ARHGEF12: variants seen among roughly 807,000 people sequenced by gnomAD.
ARHGEF12 encodes the protein Rho guanine nucleotide exchange factor 12, also known as KMT2A/ARHGEF12 fusion protein.
A neutral mutation model predicts 211.2 loss-of-function variants in ARHGEF12; 66 were observed. The ratio of observed to expected loss-of-function variants is 0.31; its 90% CI spans 0.26 to 0.38. The LOEUF (loss-of-function observed/expected upper bound fraction) is 0.38, where lower values mean the gene tolerates loss of function less well. Ranked by LOEUF, ARHGEF12 falls within the 10% of genes least tolerant of loss-of-function variation. ARHGEF12 has a pLI of 1.00. For missense variants in ARHGEF12, 1,429 were observed against 1,869.5 expected (o/e 0.76, Z 4.34); for synonymous variants, 592 against 638.4 (o/e 0.93, Z 1.09).
At chr11:120,481,597 C>G (rs202194026) in intron 39 of ARHGEF12, 21 bp downstream of exon 39, 41 of 1,606,566 alleles carry the variant, frequency 2.6e-5, no homozygotes, top group Non-Finnish European at 3.4e-5. Flanking sequence ...CTTCCACATC[C>G]ATAGGACTTG....
intron 1 of ARHGEF12, among the ~76,000 whole-genome samples, chr11:120,405,733 A>T (rs1944683298): frequency 6.6e-6 from 1 of 152,204 alleles, no homozygotes; most frequent in African/African-American, 2.4e-5. Flanking sequence ...ATTTTTAAAA[A>T]TCTATAAAAT....
At chr11:120,412,888 T>TTGA (rs1303040799) in intron 4 of ARHGEF12, among the ~76,000 whole-genome samples, 1 of 152,238 alleles carries the variant, frequency 6.6e-6, no homozygotes, top group Admixed American at 6.5e-5. Flanking sequence ...CCAGGTCCCC[T>TTGA]TGATTCTACC....
At chr11:120,454,818 G>A (rs998669488) in intron 22 of ARHGEF12, among the ~76,000 whole-genome samples, 2 of 152,056 alleles carry the variant, frequency 1.3e-5, no homozygotes, top group East Asian at 3.8e-4. Flanking sequence ...GGCTTTTCCC[G>A]AGTATCCCAA....
intron 1 of ARHGEF12, among the ~76,000 whole-genome samples, chr11:120,366,300 G>A (rs1028369856): frequency 1.3e-5 from 2 of 152,112 alleles, no homozygotes; most frequent in Middle Eastern, 3.2e-3. Flanking sequence ...AAATTTAGAT[G>A]TACTATCTGC....
chr11:120,456,721 T>C (rs1338412118), intron 22 of ARHGEF12, among the ~76,000 whole-genome samples: 1 of 152,214 alleles, frequency 6.6e-6, no homozygotes, highest in East Asian at 1.9e-4. Flanking sequence ...TGACCAGGCA[T>C]GGTGGCTCAC....
chr11:120,402,089 G>GT (rs1944560973), intron 1 of ARHGEF12, among the ~76,000 whole-genome samples: 1 of 152,098 alleles, frequency 6.6e-6, no homozygotes, highest in Non-Finnish European at 1.5e-5. Flanking sequence ...GCTTAAAGAG[G>GT]TTAAGCAACT....
intron 22 of ARHGEF12, among the ~76,000 whole-genome samples, chr11:120,453,115 A>G (rs548402794): frequency 6.6e-6 from 1 of 152,280 alleles, no homozygotes; most frequent in South Asian, 2.1e-4. Flanking sequence ...ATAAGACAGA[A>G]ATATTAGTTT....
intron 1 of ARHGEF12, among the ~76,000 whole-genome samples, chr11:120,385,759 A>G (rs987879873): frequency 6.6e-6 from 1 of 152,216 alleles, no homozygotes; most frequent in South Asian, 2.1e-4. Context: ...TACATCCAGC[A>G]TTGCAAGGAT....
intron 1 of ARHGEF12, among the ~76,000 whole-genome samples, chr11:120,375,950 G>T (rs977206773): frequency 6.6e-6 from 1 of 151,978 alleles, no homozygotes; most frequent in African/African-American, 2.4e-5. Flanking sequence ...TTTTTCTTAC[G>T]ATTTGACTGG....
Position 120,485,133 on chromosome 11 carries a change from C to A in ARHGEF12, c.*56C>A. On this transcript the variant is annotated 3_prime_UTR_variant, in exon 41 of 41. Transcript: ENST00000397843. ...GTTGGATTTGGAGTATCGGCCGTGT[C>A]TCACCACATCCTGGCTCCAGTGTGG... is the stretch of plus-strand genomic sequence containing the variant. The A allele has an allele frequency of 6.2e-7, 1 of 1,605,772 alleles. No individual in the cohort carries two copies. Among genetic ancestry groups the A allele is most frequent in the South Asian group, 1.1e-5 (1 of 90,670 alleles).
At chr11:120,394,309 C>A (rs1008177874) in intron 1 of ARHGEF12, among the ~76,000 whole-genome samples, 2 of 151,534 alleles carry the variant, frequency 1.3e-5, no homozygotes, top group African/African-American at 4.9e-5. Context: ...ACCTCCTGGG[C>A]TCAGGCTGTC....
At chr11:120,404,248 A>G (rs1565456526) in intron 1 of ARHGEF12, among the ~76,000 whole-genome samples, 1 of 152,186 alleles carries the variant, frequency 6.6e-6, no homozygotes, top group African/African-American at 2.4e-5. Flanking sequence ...AGCATGTGGT[A>G]GGGATTTTGC....
intron 4 of ARHGEF12, chr11:120,411,455 G>C (rs928672632): frequency 1.3e-5 from 2 of 151,064 alleles, no homozygotes; most frequent in Non-Finnish European, 1.5e-5. Context: ...TTTAGTGTAG[G>C]GTCTTATTAT....
chr11:120,408,538 A>G (rs989600044), intron 3 of ARHGEF12: 4 of 152,014 alleles, frequency 2.6e-5, no homozygotes, highest in Non-Finnish European at 4.4e-5. Context: ...TGCACATACT[A>G]TTTTATTCAG....
At chr11:120,439,904 C>A in intron 12 of ARHGEF12, 1 of 465,700 alleles carries the variant, frequency 2.1e-6, no homozygotes, top group Non-Finnish European at 3.8e-6. Context: ...TGGTTTTTTC[C>A]CCCCAAAAAA....
intron 1 of ARHGEF12, among the ~76,000 whole-genome samples, chr11:120,395,579 A>C (rs899491771): frequency 6.6e-6 from 1 of 152,186 alleles, no homozygotes; most frequent in African/African-American, 2.4e-5. Flanking sequence ...AAAGAGGTTT[A>C]ATTGACTCAC....
chr11:120,482,947 T>A (rs1349371282), intron 39 of ARHGEF12, among the ~76,000 whole-genome samples: 2 of 152,158 alleles, frequency 1.3e-5, no homozygotes, highest in Non-Finnish European at 2.9e-5. Context: ...TTATGTAGTA[T>A]CATTCTGTAG....
chr11:120,388,181 A>C (rs1275005922), intron 1 of ARHGEF12, among the ~76,000 whole-genome samples: 1 of 151,910 alleles, frequency 6.6e-6, no homozygotes, highest in Non-Finnish European at 1.5e-5. Context: ...CTTTCTTGTC[A>C]TTATAGATTA....
At chr11:120,415,739 T>C (rs1945009440) in intron 4 of ARHGEF12, among the ~76,000 whole-genome samples, 1 of 152,204 alleles carries the variant, frequency 6.6e-6, no homozygotes, top group Non-Finnish European at 1.5e-5. Flanking sequence ...AGTTAATTAT[T>C]ACCACAGATC....
Sources: gnomAD v4.1 joint callset for allele counts (sites outside exome capture counted in the v4.1 genomes callset) on GRCh38, gnomAD v4.1.1 for gene constraint, MANE v1.5 for transcripts, NCBI Gene and HGNC (gene_info 2026-07-23, HGNC 2026-07-21) for gene names.